The following ABR variants were observed in gnomAD, a reference collection of about 807,000 sequenced individuals.
ABR encodes the protein active breakpoint cluster region-related protein.
ABR carries 35 observed loss-of-function variants against 107.2 expected under a neutral mutation model. That is an observed-to-expected ratio of 0.33 (90% confidence interval 0.25 to 0.43). ABR has a LOEUF of 0.43. Ranked by LOEUF, ABR falls within the 20% of genes least tolerant of loss-of-function variation. ABR has a pLI of 1.00. For synonymous variants in ABR, 498 were observed against 462.0 expected, an observed-to-expected ratio of 1.08 and a Z score of -1.00; for missense variants, 815 against 1,115.2, an observed-to-expected ratio of 0.73 and a Z score of 3.83.
intron 16 of ABR, among the ~76,000 whole-genome samples, chr17:1,022,263 C>A (rs186897793): frequency 1.7e-4 from 26 of 152,318 alleles, no homozygotes; most frequent in African/African-American, 6.0e-4. Context: ...GGCATCGGGT[C>A]TGAGGGTGGG....
chr17:1,005,759 C>A lies in ABR; in HGVS notation c.*321G>T. ...GAAATGAAAGAACAAAGCGGGCTGT[C>A]TGTGTGCCCACGCCGGGCCGGTCAC... On this transcript the variant is annotated 3_prime_UTR_variant, in exon 23 of 23. Transcript: ENST00000302538. The A allele has an allele frequency of 2.5e-6, 1 of 400,510 alleles. No individual in the cohort carries two copies. Among genetic ancestry groups the A allele is most frequent in the Non-Finnish European group, 4.6e-6 (1 of 218,730 alleles). 24.8% of individuals were successfully genotyped at this position (400,510 alleles called of 1,614,324 possible). A position where few individuals can be genotyped will look rare whatever the true frequency, so the allele number is the denominator to read the frequency against.
chr17:1,172,324 G>A (rs1311721623), intron 1 of ABR, among the ~76,000 whole-genome samples: 1 of 152,194 alleles, frequency 6.6e-6, no homozygotes, highest in Non-Finnish European at 1.5e-5. Flanking sequence ...CTATTGGCCT[G>A]ATTTCTTTCT....
At chr17:1,143,317 GACA>G (rs2151502868) in intron 1 of ABR, among the ~76,000 whole-genome samples, 1 of 33,248 alleles carries the variant, frequency 3.0e-5, no homozygotes, top group Non-Finnish European at 5.7e-5. Context: ...GCTCCTGGGG[GACA>G]GCTCATTCCT....
intron 16 of ABR, among the ~76,000 whole-genome samples, chr17:1,033,969 A>ATT (rs560978094): frequency 0.026 from 3,219 of 124,530 alleles, 168 homozygotes; most frequent in African/African-American, 0.096. Flanking sequence ...CACTCATGTC[A>ATT]TTTTTTTTTT....
chr17:1,189,953 G>T (rs936623944), upstream of ABR, among the ~76,000 whole-genome samples: 1 of 152,186 alleles, frequency 6.6e-6, no homozygotes, highest in African/African-American at 2.4e-5. Context: ...AAAGAGCCTG[G>T]AATGAGGCAG....
chr17:1,229,375 C>T (rs1380133268), exon 1 of ABR, among the ~76,000 whole-genome samples: 2 of 146,602 alleles, frequency 1.4e-5, no homozygotes, highest in African/African-American at 2.7e-5. Flanking sequence ...CCGGGGTCCC[C>T]GCGGGGAGAC....
chr17:1,024,049 A>AAAAAAAT (rs2071963289), intron 16 of ABR, among the ~76,000 whole-genome samples: 1 of 140,536 alleles, frequency 7.1e-6, no homozygotes, highest in South Asian at 2.2e-4. Flanking sequence ...AAAAAAAAAA[A>AAAAAAAT]GCAGCATCAA....
At chr17:1,153,720 TACGG>T (rs2040918330) in intron 1 of ABR, 1 of 123,292 alleles carries the variant, frequency 8.1e-6, no homozygotes, top group African/African-American at 3.7e-5. Context: ...CAGGCACACC[TACGG>T]GAGGGCTGGG....
At chr17:1,222,684 C>T (rs926339191) in intron 1 of ABR, among the ~76,000 whole-genome samples, 20 of 152,074 alleles carry the variant, frequency 1.3e-4, no homozygotes, top group Admixed American at 1.2e-3. Flanking sequence ...GGCCAAGGAG[C>T]GAGGATCACT....
chr17:1,146,296 C>CACACACAT (rs3219520), intron 1 of ABR, among the ~76,000 whole-genome samples: 26 of 146,574 alleles, frequency 1.8e-4, no homozygotes, highest in African/African-American at 5.3e-4. Flanking sequence ...CACACACACA[C>CACACACAT]ATCACATCCT....
chr17:1,224,271 G>C (rs1344646320), intron 1 of ABR, among the ~76,000 whole-genome samples: 1 of 152,070 alleles, frequency 6.6e-6, no homozygotes, highest in Admixed American at 6.6e-5. Flanking sequence ...AGGCTACAAG[G>C]TACTAGAAGG....
intron 3 of ABR, among the ~76,000 whole-genome samples, chr17:1,094,212 A>G (rs1034097840): frequency 1.3e-5 from 2 of 152,208 alleles, no homozygotes; most frequent in African/African-American, 4.8e-5. Context: ...CAGGCCAGGC[A>G]GGGTGGGCTT....
chr17:1,028,064 G>A (rs2072359950), intron 16 of ABR, among the ~76,000 whole-genome samples: 1 of 151,954 alleles, frequency 6.6e-6, no homozygotes, highest in South Asian at 2.1e-4. Context: ...TCCTGCGGTG[G>A]CGATCAAGCT....
rs1238105361 is a variant in ABR at position 1,056,190 on chromosome 17, C to CG, written c.1487-82dup. 9 of 1,251,284 alleles carry CG rather than the reference C, an allele frequency of 7.2e-6. No individual in the cohort carries two copies. In the African/African-American group the frequency reaches 1.0e-4, roughly 14 times the overall value. 77.5% of individuals were successfully genotyped at this position (1,251,284 alleles called of 1,614,324 possible). On this transcript the variant is annotated intron_variant, in intron 13 of 22. Coordinates refer to ENST00000302538, the MANE Select transcript of ABR (RefSeq NM_021962.5). Reference sequence around the variant, plus strand: ...CCACCCCAGGCCGGCGGGAGGCAGACGGGGTATGAGACTCAGCTGAGTCTT... The same window carrying CG: ...CCACCCCAGGCCGGCGGGAGGCAGACGGGGGTATGAGACTCAGCTGAGTCTT...
At chr17:1,063,359 TGAGGGC>T (rs1284053176) in intron 10 of ABR, among the ~76,000 whole-genome samples, 89 of 129,026 alleles carry the variant, frequency 6.9e-4, no homozygotes, top group Admixed American at 1.2e-3. Context: ...TTACGTGAAC[TGAGGGC>T]TATACATGTT....
Position 1,092,772 on chromosome 17 carries a change from G to T in ABR, c.346-922C>A, listed in dbSNP as rs1567739784. ...TGCAGGACACAGGGCCTGATAACCT[G>T]CCATACAGGGAAGGTGTGGCAGGGA... On this transcript the variant is annotated intron_variant, in intron 3 of 22. Coordinates refer to ENST00000302538, the MANE Select transcript of ABR (RefSeq NM_021962.5). The surrounding 1 kb of genome is among the most constrained non-coding windows in gnomAD (Gnocchi z 4.6). Among the ~76,000 whole-genome samples, 1 of 151,614 alleles carries T rather than the reference G, an allele frequency of 6.6e-6. No homozygotes were observed. The highest frequency in any genetic ancestry group is 1.5e-5 in the Non-Finnish European group (1 of 67,928).
At chr17:1,142,453 C>A (rs1204995448) in intron 1 of ABR, among the ~76,000 whole-genome samples, 1 of 152,012 alleles carries the variant, frequency 6.6e-6, no homozygotes, top group Non-Finnish European at 1.5e-5. Context: ...GGTATGGTGA[C>A]AGATGTCTGT....
rs529881386 is a variant in ABR, at chr17:1,093,541, G to A, written c.346-1691C>T. Reference sequence around the variant, plus strand: ...CCAGGAACAGTGGGGAAAAGTTATGGGGTCAGATTCGGGCTCACTAGAGCT... The same window carrying A: ...CCAGGAACAGTGGGGAAAAGTTATGAGGTCAGATTCGGGCTCACTAGAGCT... On this transcript the variant is annotated intron_variant, in intron 3 of 22. Coordinates refer to ENST00000302538, the MANE Select transcript of ABR (RefSeq NM_021962.5). 3.3e-5 allele frequency among the ~76,000 whole-genome samples: 5 copies of A among 152,220 alleles called. No homozygotes were observed. The South Asian group carries it at 1.0e-3, about 32-fold the overall frequency.
intron 16 of ABR, among the ~76,000 whole-genome samples, chr17:1,041,076 C>T (rs565872606): frequency 3.9e-5 from 6 of 152,244 alleles, no homozygotes; most frequent in Non-Finnish European, 7.4e-5. Context: ...CGCACCATCA[C>T]GCCCGGCTGA....
Sources: gnomAD v4.1 joint callset for allele counts (sites outside exome capture counted in the v4.1 genomes callset) on GRCh38, gnomAD v4.1.1 for gene constraint, Gnocchi (gnomAD v3.1) non-coding constraint, MANE v1.5 for transcripts, NCBI Gene and HGNC (gene_info 2026-07-23, HGNC 2026-07-21) for gene names.